The following GALNT13 variants were observed in gnomAD, a reference collection of about 807,000 sequenced individuals.
GALNT13 encodes the protein polypeptide N-acetylgalactosaminyltransferase 13.
A neutral mutation model predicts 64.2 loss-of-function variants in GALNT13; 28 were observed. The observed-to-expected ratio is 0.44, with a 90% CI of 0.32 to 0.60. The LOEUF is 0.60. Among genes scored for constraint, GALNT13 ranks in the 20% least tolerant of loss-of-function variants. GALNT13 has a pLI of 0.05. For synonymous variants in GALNT13, 214 were observed against 224.6 expected (o/e 0.95, Z 0.42); for missense variants, 577 against 669.8 (o/e 0.86, Z 1.53).
intron 3 of GALNT13, among the ~76,000 whole-genome samples, chr2:153,972,739 A>C (rs775985033): frequency 6.6e-6 from 1 of 151,998 alleles, no homozygotes; most frequent in Admixed American, 6.6e-5. Flanking sequence ...TACTTCCCTC[A>C]CCTAACATAG....
the GALNT13 span, among the ~76,000 whole-genome samples, chr2:153,724,415 A>G: frequency 3.3e-5 from 4 of 119,560 alleles, no homozygotes; most frequent in Non-Finnish European, 6.4e-5. Flanking sequence ...CATGTCCAAA[A>G]CACCAAAAGC....
At chr2:153,337,725 C>T in the GALNT13 span, 1 of 152,176 alleles carries the variant, frequency 6.6e-6, no homozygotes, top group African/African-American at 2.4e-5. Flanking sequence ...CCTGGTCCAG[C>T]CCTGTCCATT....
chr2:153,579,568 T>C, the GALNT13 span, among the ~76,000 whole-genome samples: 52 of 152,320 alleles, frequency 3.4e-4, no homozygotes, highest in African/African-American at 1.1e-3. Context: ...TAATTGAGCA[T>C]AATTTGAGAA....
chr2:154,024,767 C>A (rs1000222053), intron 3 of GALNT13, among the ~76,000 whole-genome samples: 1 of 152,166 alleles, frequency 6.6e-6, no homozygotes. Context: ...AGGAGAGGCA[C>A]TCTGATTTTT....
the GALNT13 span, among the ~76,000 whole-genome samples, chr2:153,477,071 A>C: frequency 6.6e-6 from 1 of 152,110 alleles, no homozygotes; most frequent in African/African-American, 2.4e-5. Flanking sequence ...CCTACCTGAG[A>C]GCTGAGACTA....
At chr2:153,526,253 C>G in the GALNT13 span, among the ~76,000 whole-genome samples, 3 of 152,240 alleles carry the variant, frequency 2.0e-5, no homozygotes, top group Non-Finnish European at 4.4e-5. Flanking sequence ...GGGCAAGACC[C>G]GGTGCTGTGC....
chr2:153,449,246 A>C, the GALNT13 span, among the ~76,000 whole-genome samples: 2 of 152,036 alleles, frequency 1.3e-5, no homozygotes, highest in African/African-American at 4.8e-5. Flanking sequence ...AGTCTATGGT[A>C]TTTTTTTATG....
chr2:153,227,555 T>A, the GALNT13 span, among the ~76,000 whole-genome samples: 1 of 152,308 alleles, frequency 6.6e-6, no homozygotes, highest in South Asian at 2.1e-4. Context: ...GTGGTTTAAC[T>A]CCATAGCTAT....
At chr2:153,698,979 C>T in the GALNT13 span, among the ~76,000 whole-genome samples, 6 of 152,256 alleles carry the variant, frequency 3.9e-5, no homozygotes, top group Non-Finnish European at 1.5e-5. Context: ...AACCCCAGCA[C>T]TTTGGGAGGC....
chr2:153,244,071 G>A, the GALNT13 span, among the ~76,000 whole-genome samples: 2 of 138,914 alleles, frequency 1.4e-5, no homozygotes, highest in Non-Finnish European at 2.9e-5. Flanking sequence ...GAGAAAAAAT[G>A]AAAGATTTTT....
At chr2:154,355,292 C>T (rs707032) in intron 9 of GALNT13, among the ~76,000 whole-genome samples, 32,875 of 152,006 alleles carry the variant, frequency 0.22, 3,863 homozygotes, top group African/African-American at 0.27. Context: ...ATAACGGAGA[C>T]TTGCCTTTTA....
intron 9 of GALNT13, among the ~76,000 whole-genome samples, chr2:154,349,411 G>A (rs74617696): frequency 0.043 from 6,558 of 152,258 alleles, 210 homozygotes; most frequent in Non-Finnish European, 0.061. Context: ...TCTAGGTTTT[G>A]CTCCTCCCTG....
At chr2:154,152,898 A>G (rs1573760251) in intron 4 of GALNT13, among the ~76,000 whole-genome samples, 3 of 152,256 alleles carry the variant, frequency 2.0e-5, no homozygotes, top group South Asian at 2.1e-4. Flanking sequence ...AGGTTGGAGT[A>G]GTTTGATCGT....
At chr2:154,411,363 T>C (rs1018637002) in intron 11 of GALNT13, among the ~76,000 whole-genome samples, 1 of 124,608 alleles carries the variant, frequency 8.0e-6, no homozygotes, top group East Asian at 2.3e-4. Context: ...CACACACAAA[T>C]GTTTTTGGAG....
At chr2:154,322,766 G>T (rs927971886) in intron 9 of GALNT13, among the ~76,000 whole-genome samples, 1 of 152,042 alleles carries the variant, frequency 6.6e-6, no homozygotes, top group Non-Finnish European at 1.5e-5. Context: ...GATTCTGTGG[G>T]TAAGGAGCTT....
intron 1 of GALNT13, among the ~76,000 whole-genome samples, chr2:153,893,788 T>A (rs1266357380): frequency 6.6e-6 from 1 of 152,104 alleles, no homozygotes; most frequent in Non-Finnish European, 1.5e-5. Context: ...GATTTAAAAT[T>A]GTAGCATTAT....
the GALNT13 span, among the ~76,000 whole-genome samples, chr2:153,078,458 A>C: frequency 2.0e-5 from 3 of 151,574 alleles, no homozygotes; most frequent in Non-Finnish European, 4.4e-5. Context: ...ATTACAGGTG[A>C]GTGCCACCAC....
chr2:153,273,144 G>A, the GALNT13 span, among the ~76,000 whole-genome samples: 1 of 152,202 alleles, frequency 6.6e-6, no homozygotes, highest in Non-Finnish European at 1.5e-5. Context: ...TGAGGGGCTA[G>A]GGAGGGATAG....
chr2:153,709,945 A>C, the GALNT13 span, among the ~76,000 whole-genome samples: 1 of 152,052 alleles, frequency 6.6e-6, no homozygotes, highest in Non-Finnish European at 1.5e-5. Context: ...AAATTCAAAG[A>C]AGCAGAGAGT....
Sources: gnomAD v4.1 joint callset for allele counts (sites outside exome capture counted in the v4.1 genomes callset) on GRCh38, gnomAD v4.1.1 for gene constraint, MANE v1.5 for transcripts, NCBI Gene and HGNC (gene_info 2026-07-23, HGNC 2026-07-21) for gene names.